Variants in ASPM observed in about 807,000 individuals in gnomAD.
ASPM encodes assembly factor for spindle microtubules.
ASPM carries 256 observed loss-of-function variants against 366.4 expected under a neutral mutation model. The ratio of observed to expected loss-of-function variants is 0.70; its 90% CI spans 0.63 to 0.77. ASPM has a LOEUF of 0.77. Among genes scored for constraint, ASPM ranks in the 30% least tolerant of loss-of-function variants. The pLI, the probability that ASPM is intolerant of heterozygous loss-of-function variation, is 0.00. For synonymous variants in ASPM, 1,414 were observed against 1,342.9 expected (o/e 1.05, Z -1.16); for missense variants, 4,146 against 4,090.4 (o/e 1.01, Z -0.37).
chr1:197,107,753 A>G (rs906915393), intron 17 of ASPM, among the ~76,000 whole-genome samples: 3 of 152,140 alleles, frequency 2.0e-5, no homozygotes, highest in African/African-American at 7.2e-5. Context: ...GTAGAACCGA[A>G]AAACACACTA....
chr1:197,121,770 C>T, intron 16 of ASPM, 145 bp downstream of exon 16: 1 of 1,035,026 alleles, frequency 9.7e-7, no homozygotes, highest in Non-Finnish European at 1.4e-6. Context: ...TCATACCTCC[C>T]CAACCCAAAA....
At chr1:197,124,051 G>GA in intron 13 of ASPM, 59 bp downstream of exon 13, 1 of 1,427,960 alleles carries the variant, frequency 7.0e-7, no homozygotes, top group Admixed American at 1.9e-5. Context: ...AAGTTTAAGT[G>GA]ACTTTCATCA....
At position 197,090,029 on chromosome 1, in the gene ASPM, T is replaced by C; in HGVS notation, c.9885A>G (p.Ala3295=). 1 of 1,613,366 alleles carries C rather than the reference T, an allele frequency of 6.2e-7. No individual in the cohort carries two copies. The highest frequency in any genetic ancestry group is 1.3e-5 in the African/African-American group (1 of 75,004). ...GGATCAAAACAAATATTTTAGAAAT[T>C]GCTCCACTCTGGGCCATGTTCTCAC... ...LCCENMAQSG[A]ISKIFVLIRS... Residue 3295 remains alanine, a synonymous_variant, in exon 25 of 28, where the codon GCA becomes GCG. Transcript: ENST00000367409.
chr1:197,119,284 C>T (rs1344384778), intron 16 of ASPM, among the ~76,000 whole-genome samples: 3 of 152,074 alleles, frequency 2.0e-5, no homozygotes, highest in Non-Finnish European at 2.9e-5. Context: ...CCTTGTGAAA[C>T]CTATGGGCTT....
At chr1:197,119,214 G>A (rs530921362) in intron 16 of ASPM, among the ~76,000 whole-genome samples, 3 of 152,174 alleles carry the variant, frequency 2.0e-5, no homozygotes, top group South Asian at 2.1e-4. Flanking sequence ...TTCCAAAATC[G>A]GGCTAGGGGA....
chr1:197,101,683 T>C lies in ASPM; in HGVS notation c.7568A>G (p.Gln2523Arg), dbSNP rs773064512. The C allele has an allele frequency of 1.9e-6, 3 of 1,612,376 alleles. No homozygotes were observed. The highest frequency in any genetic ancestry group is 1.1e-5 in the South Asian group (1 of 91,058). ...HYRTYRAAKL[Q>R]RENYIRQWHS... ...CCATTGTCTGATATAATTTTCTCTT[T>C]GTAATTTTGCAGCTCTATATGTTCG... Residue 2523 changes from glutamine (Q) to arginine (R), a missense_variant, in exon 18 of 28, where the codon CAA becomes CGA. By Grantham distance (43) the Gln-to-Arg change is conservative (BLOSUM62 1). This residue lies in a region of ASPM where 3,624 missense variants were observed against 3,591.7 expected (regional missense o/e 1.01). Transcript: ENST00000367409.
Position 197,103,168 on chromosome 1 carries a change from T to A in ASPM, c.6083A>T (p.Gln2028Leu). The A allele has an allele frequency of 6.2e-7, 1 of 1,612,774 alleles. No individual in the cohort carries two copies. The highest frequency in any genetic ancestry group is 8.5e-7 in the Non-Finnish European group (1 of 1,179,354). ...LKTKAAVVTL[Q>L]SAYRGMKVRK... ...CACTTTCATACCACGATAAGCTGAC[T>A]GTAAAGTTACTACAGCTGCTTTTGT... The change falls in exon 18 of 28, where the codon CAG becomes CTG. Residue 2028 changes from glutamine to leucine, a missense_variant. Physicochemically the swap from Gln to Leu is moderately radical, Grantham distance 113. This residue lies in a region of ASPM where 3,624 missense variants were observed against 3,591.7 expected (regional missense o/e 1.01). Transcript: ENST00000367409.
Position 197,100,501 on chromosome 1 carries a change from T to G in ASPM, c.8750A>C (p.Gln2917Pro). ...LQIRSSVIIIQARSKGFIQKR... is the reference protein window; with the variant it reads ...LQIRSSVIIIPARSKGFIQKR... ...CTGTATAAATCCTTTACTTCTAGCTTGAATAATGATAACACTGCTTCTGAT... is the reference window on the plus strand; with the variant it reads ...CTGTATAAATCCTTTACTTCTAGCTGGAATAATGATAACACTGCTTCTGAT... The change falls in exon 18 of 28, where the codon CAA becomes CCA. Residue 2917 changes from glutamine to proline, a missense_variant. Gln to Pro is a moderately conservative substitution (Grantham distance 76). Around this residue, in one of 3 missense-constraint regions of ASPM, gnomAD observed 3,624 missense variants for 3,591.7 expected, o/e 1.01. Coordinates refer to ENST00000367409, the MANE Select transcript of ASPM (RefSeq NM_018136.5). The G allele has an allele frequency of 1.2e-6, 2 of 1,608,906 alleles. No individual in the cohort carries two copies. Among genetic ancestry groups the G allele is most frequent in the South Asian group, 1.1e-5 (1 of 90,554 alleles).
Position 197,103,716 on chromosome 1 carries a change from T to C in ASPM, c.5535A>G (p.Gln1845=). The C allele has an allele frequency of 1.2e-6, 2 of 1,612,848 alleles. No homozygotes were observed. Among genetic ancestry groups the C allele is most frequent in the African/African-American group, 1.3e-5 (1 of 74,936 alleles). ...TCTTTATTATAGATTGAAGCACAGA[T>C]TGATATTTTACCCTTTTATTATAGC... is the stretch of plus-strand genomic sequence containing the variant. The part of the protein sequence containing the change: ...FRGYNKRVKY[Q]SVLQSIIKIQ... The change falls in exon 18 of 28, where the codon CAA becomes CAG. Residue 1845 remains glutamine, a synonymous_variant. Coordinates refer to ENST00000367409, the MANE Select transcript of ASPM (RefSeq NM_018136.5).
intron 18 of ASPM, 136 bp downstream of exon 18, chr1:197,100,295 C>A (rs1657110117): frequency 1.5e-6 from 1 of 649,088 alleles, no homozygotes; most frequent in African/African-American, 1.9e-5. Context: ...CAAAAATGTT[C>A]CACTTTGGAA....
chr1:197,116,883 T>G (rs1426056785), intron 17 of ASPM, among the ~76,000 whole-genome samples: 1 of 152,108 alleles, frequency 6.6e-6, no homozygotes, highest in Non-Finnish European at 1.5e-5. Context: ...AAGAAAACAC[T>G]TAGGAAAATG....
At chr1:197,089,478 C>T (rs1056762531) in intron 25 of ASPM, among the ~76,000 whole-genome samples, 10 of 151,960 alleles carry the variant, frequency 6.6e-5, no homozygotes, top group Non-Finnish European at 1.0e-4. Flanking sequence ...AACATCACCA[C>T]CTCTAAAGGC....
intron 22 of ASPM, among the ~76,000 whole-genome samples, chr1:197,091,412 A>C (rs924161318): frequency 3.1e-4 from 47 of 152,082 alleles, no homozygotes; most frequent in African/African-American, 1.1e-3. Context: ...ATACATAAAG[A>C]ACTCCTATAA....
rs1176463348 is a variant in ASPM, at chr1:197,124,215, A to G, written c.3285T>C (p.Asn1095=). Residue 1095 remains asparagine (N), a synonymous_variant, in exon 13 of 28, where the codon AAT becomes AAC. Transcript: ENST00000367409. ...LLSCHSDDLI[N]KKKGKRDSGS... ...CACTATCCCTTTTGCCTTTTTTCTT[A>G]TTAATAAGATCATCAGAATGGCATG... The G allele has an allele frequency of 6.2e-7, 1 of 1,610,550 alleles. No homozygotes were observed. Among genetic ancestry groups the G allele is most frequent in the Non-Finnish European group, 8.5e-7 (1 of 1,177,200 alleles).
chr1:197,130,241 A>T (rs561496602), intron 7 of ASPM, among the ~76,000 whole-genome samples, 185 bp from the exon 8 acceptor site: 1 of 152,318 alleles, frequency 6.6e-6, no homozygotes, highest in Non-Finnish European at 1.5e-5. Flanking sequence ...TATTGTATAT[A>T]GTATACGTTG....
At chr1:197,108,639 A>C (rs1461831808) in intron 17 of ASPM, among the ~76,000 whole-genome samples, 1 of 152,108 alleles carries the variant, frequency 6.6e-6, no homozygotes, top group Non-Finnish European at 1.5e-5. Flanking sequence ...AGAAACTGCC[A>C]AAACTCATCA....
At position 197,143,466 on chromosome 1, in the gene ASPM, G is replaced by A. The variant is rs1285028396; in HGVS notation, c.786C>T (p.His262=). ...ASENRELLNV[H]SANVSKVSFN... ...AAGAAACTTTTGAAACGTTGGCACTGTGTACATTTAATAGTTCCCTATTTT... is the reference window on the plus strand; with the variant it reads ...AAGAAACTTTTGAAACGTTGGCACTATGTACATTTAATAGTTCCCTATTTT... The change falls in exon 3 of 28, where the codon CAC becomes CAT. Residue 262 remains histidine (H), a synonymous_variant. Transcript: ENST00000367409. The A allele has an allele frequency of 1.9e-6, 3 of 1,613,894 alleles. No individual in the cohort carries two copies. The highest frequency in any genetic ancestry group is 2.7e-5 in the African/African-American group (2 of 74,938).
At chr1:197,129,064 T>C (rs949483040) in intron 9 of ASPM, 123 bp downstream of exon 9, 29 of 1,104,554 alleles carry the variant, frequency 2.6e-5, no homozygotes, top group Middle Eastern at 5.6e-4. Context: ...ATTCCTATTT[T>C]ACTCCTCTGA....
In ASPM at chr1:197,101,710, T is replaced by C. The variant is rs1374197113; in HGVS notation, c.7541A>G (p.Tyr2514Cys). The C allele has an allele frequency of 3.1e-6, 5 of 1,612,038 alleles. No individual in the cohort carries two copies. The highest frequency in any genetic ancestry group is 4.2e-6 in the Non-Finnish European group (5 of 1,178,992). Residue 2514 changes from tyrosine to cysteine, a missense_variant, in exon 18 of 28, where the codon TAT becomes TGT. Tyr to Cys is a radical substitution (Grantham distance 194). Transcript: ENST00000367409. The part of the protein sequence containing the change: ...KHASILIQQH[Y>C]RTYRAAKLQR... ...TAATTTTGCAGCTCTATATGTTCGA[T>C]AATGTTGCTGAATTAGAATTGAAGC...
Sources: allele counts gnomAD v4.1 joint callset (sites outside exome capture counted in the v4.1 genomes callset), GRCh38; gene constraint gnomAD v4.1.1; regional missense constraint gnomAD v4.1.1; transcripts MANE v1.5; gene names NCBI Gene and HGNC (gene_info 2026-07-23, HGNC 2026-07-21).